The following ARHGAP24 variants were observed in gnomAD, a reference collection of about 807,000 sequenced individuals.
ARHGAP24 encodes rho GTPase-activating protein 24.
A neutral mutation model predicts 76.4 loss-of-function variants in ARHGAP24; 50 were observed. The observed-to-expected ratio is 0.65, with a 90% confidence interval of 0.52 to 0.83. The LOEUF is 0.83. Among genes scored for constraint, ARHGAP24 ranks in the 40% least tolerant of loss-of-function variants. ARHGAP24 has a pLI of 0.00. For missense variants in ARHGAP24, 930 were observed against 914.2 expected (o/e 1.02, Z -0.22); for synonymous variants, 345 against 323.3 (o/e 1.07, Z -0.72).
At chr4:85,798,525 A>G (rs1448037717) in intron 3 of ARHGAP24, among the ~76,000 whole-genome samples, 3 of 152,212 alleles carry the variant, frequency 2.0e-5, no homozygotes, top group Non-Finnish European at 2.9e-5. Context: ...CCACAATGCA[A>G]AAAACATGAG....
chr4:85,736,490 A>AAAC lies in ARHGAP24; in HGVS notation c.268+14519_268+14520insACA, dbSNP rs1466524700. On this transcript the variant is annotated intron_variant, in intron 3 of 9. Coordinates refer to ENST00000395184, the MANE Select transcript of ARHGAP24 (RefSeq NM_001025616.3). ...GAGTGCTACAGTAATTCTGTGATTC[A>AAAC]ATTCGAATCCAAAGTTTGGTTAAGT... Among the ~76,000 whole-genome samples, 3 of 152,332 alleles carry AAAC rather than the reference A, an allele frequency of 2.0e-5. No homozygotes were observed. The East Asian group carries it at 5.8e-4, about 29-fold the overall frequency.
intron 3 of ARHGAP24, among the ~76,000 whole-genome samples, chr4:85,724,576 A>G (rs1457164733): frequency 6.6e-6 from 1 of 150,668 alleles, no homozygotes; most frequent in Non-Finnish European, 1.5e-5. Context: ...ATGCTGAAAT[A>G]TCCCATGAAA....
At chr4:85,749,028 A>C (rs373780310) in intron 3 of ARHGAP24, among the ~76,000 whole-genome samples, 2 of 152,150 alleles carry the variant, frequency 1.3e-5, no homozygotes, top group Non-Finnish European at 1.5e-5. Context: ...GGCATACCGG[A>C]TGGCTTTTTC....
chr4:85,727,150 G>A (rs1232016567), intron 3 of ARHGAP24, among the ~76,000 whole-genome samples: 9 of 152,172 alleles, frequency 5.9e-5, no homozygotes, highest in African/African-American at 2.2e-4. Context: ...AACCCAGGAG[G>A]CGGAGGTTGT....
chr4:85,755,923 G>A (rs11724267), intron 3 of ARHGAP24, among the ~76,000 whole-genome samples: 77,218 of 151,932 alleles, frequency 0.51, 23,005 homozygotes, highest in Non-Finnish European at 0.69. Flanking sequence ...GTGAGCCACC[G>A]CGCTAGGCCT....
At chr4:85,970,608 G>C (rs145888765) in intron 5 of ARHGAP24, among the ~76,000 whole-genome samples, 37 of 152,212 alleles carry the variant, frequency 2.4e-4, no homozygotes, top group Non-Finnish European at 4.1e-4. Context: ...CATTGTCTCA[G>C]CTCATATAAT....
chr4:85,947,326 C>T (rs1480470559), intron 5 of ARHGAP24, among the ~76,000 whole-genome samples: 4 of 152,028 alleles, frequency 2.6e-5, no homozygotes, highest in Non-Finnish European at 5.9e-5. Context: ...TGTAGAAGTT[C>T]TCTAGTTTAA....
intron 3 of ARHGAP24, among the ~76,000 whole-genome samples, chr4:85,822,500 A>C (rs552274248): frequency 6.6e-6 from 1 of 152,218 alleles, no homozygotes; most frequent in Non-Finnish European, 1.5e-5. Context: ...AAACAAAAAT[A>C]CAAAATAAGA....
intron 2 of ARHGAP24, among the ~76,000 whole-genome samples, chr4:85,630,627 A>G (rs973902469): frequency 3.9e-5 from 6 of 152,200 alleles, no homozygotes; most frequent in African/African-American, 1.4e-4. Context: ...GGATGCCTAG[A>G]GACTGTGTCC....
rs1740567849 is a variant in ARHGAP24 at position 85,995,022 on chromosome 4, C to T, written c.1368C>T (p.Ser456=). 6.2e-7 allele frequency: 1 copy of T among 1,613,920 alleles called. No homozygotes were observed. The change falls in exon 9 of 10, where the codon AGC becomes AGT. Residue 456 remains serine, a synonymous_variant. Coordinates refer to ENST00000395184, the MANE Select transcript of ARHGAP24 (RefSeq NM_001025616.3). ...LEKTQTTPNG[S]LQARRSSSLK... ...AAACCCAAACCACCCCCAATGGGAG[C>T]CTACAGGCCAGAAGGAGCTCTTCAC... is the stretch of plus-strand genomic sequence containing the variant.
At chr4:85,483,781 C>A (rs1247057271) in intron 1 of ARHGAP24, among the ~76,000 whole-genome samples, 5 of 151,874 alleles carry the variant, frequency 3.3e-5, no homozygotes, top group African/African-American at 1.2e-4. Context: ...TTTTAAAAAC[C>A]TTTAAGGGTG....
intron 3 of ARHGAP24, among the ~76,000 whole-genome samples, chr4:85,752,419 T>C (rs950312768): frequency 6.6e-6 from 1 of 152,160 alleles, no homozygotes; most frequent in African/African-American, 2.4e-5. Context: ...CTTGCATCAG[T>C]GTGAGTTATC....
chr4:85,712,358 T>TG (rs2110035609), intron 2 of ARHGAP24, among the ~76,000 whole-genome samples: 1 of 152,186 alleles, frequency 6.6e-6, no homozygotes, highest in South Asian at 2.1e-4. Context: ...AGCATTTGAG[T>TG]GTTTAGGGTG....
At chr4:85,686,979 T>C (rs1723446019) in intron 2 of ARHGAP24, among the ~76,000 whole-genome samples, 1 of 152,016 alleles carries the variant, frequency 6.6e-6, no homozygotes, top group Non-Finnish European at 1.5e-5. Context: ...TTTGTATCCC[T>C]ACCAGGTGTC....
At chr4:85,992,131 C>T (rs1740368972) in intron 8 of ARHGAP24, 1 of 397,542 alleles carries the variant, frequency 2.5e-6, no homozygotes, top group African/African-American at 2.1e-5. Context: ...AGTCTGACCT[C>T]ATTATCTGGG....
intron 3 of ARHGAP24, among the ~76,000 whole-genome samples, chr4:85,745,515 C>T (rs963291603): frequency 6.7e-6 from 1 of 148,930 alleles, no homozygotes; most frequent in Non-Finnish European, 1.5e-5. Context: ...CCCTTCACTC[C>T]AGGAGTTCAA....
chr4:85,914,621 A>G (rs1311624920), intron 3 of ARHGAP24, among the ~76,000 whole-genome samples: 2 of 152,178 alleles, frequency 1.3e-5, no homozygotes, highest in African/African-American at 4.8e-5. Flanking sequence ...CCCTTTATCA[A>G]CTTATTGAGA....
intron 3 of ARHGAP24, among the ~76,000 whole-genome samples, chr4:85,848,978 G>A (rs968497278): frequency 2.6e-5 from 4 of 151,538 alleles, no homozygotes; most frequent in Non-Finnish European, 5.9e-5. Flanking sequence ...TTCCAATTCT[G>A]TGAAGAAAGT....
At chr4:85,980,735 T>C (rs1739609910) in intron 8 of ARHGAP24, among the ~76,000 whole-genome samples, 1 of 152,196 alleles carries the variant, frequency 6.6e-6, no homozygotes, top group Non-Finnish European at 1.5e-5. Flanking sequence ...AAATATAATA[T>C]TCAGATAACT....
Sources: allele counts gnomAD v4.1 joint callset (sites outside exome capture counted in the v4.1 genomes callset), GRCh38; gene constraint gnomAD v4.1.1; transcripts MANE v1.5; gene names NCBI Gene and HGNC (gene_info 2026-07-23, HGNC 2026-07-21).